Variants in ATRN observed in about 807,000 individuals in gnomAD.
ATRN encodes attractin, also known as attractin-2.
Under a neutral mutation model 178.7 loss-of-function variants are expected in ATRN, and 54 were observed. That is an observed-to-expected ratio of 0.30 (90% CI 0.24 to 0.38). The LOEUF (loss-of-function observed/expected upper bound fraction) is 0.38. Ranked by LOEUF, ATRN falls within the 10% of genes least tolerant of loss-of-function variation. The pLI is 1.00. For missense variants in ATRN, 1,443 were observed against 1,815.1 expected, an observed-to-expected ratio of 0.79 and a Z score of 3.73; for synonymous variants, 636 against 663.0, an observed-to-expected ratio of 0.96 and a Z score of 0.63.
At chr20:3,619,532 A>C (rs2086880406) in intron 24 of ATRN, among the ~76,000 whole-genome samples, 1 of 152,230 alleles carries the variant, frequency 6.6e-6, no homozygotes. Context: ...TCATCCATTT[A>C]TTCAAGTTTT....
chr20:3,524,594 C>T (rs996307904), intron 1 of ATRN, among the ~76,000 whole-genome samples: 1 of 152,186 alleles, frequency 6.6e-6, no homozygotes, highest in African/African-American at 2.4e-5. Context: ...CTCTCCACCC[C>T]CAAGCAACAG....
intron 25 of ATRN, chr20:3,629,140 A>G (rs891769257): frequency 1.0e-6 from 1 of 984,228 alleles, no homozygotes; most frequent in Non-Finnish European, 1.2e-6. Flanking sequence ...TCCACTCCCC[A>G]CCCCACCAAC....
At position 3,578,623 on chromosome 20, in the gene ATRN, T is replaced by C. The variant is rs1174655229; in HGVS notation, c.2395T>C (p.Cys799Arg). Reference protein sequence around the residue: ...GIGWHLVGNSCLKITTAKENY... With the variant: ...GIGWHLVGNSRLKITTAKENY... The stretch of plus-strand genomic sequence containing the variant: ...TGGCTGGCATTTGGTTGGAAACTCA[T>C]GTTTGAAAATTACTACTGCCAAGGA... Residue 799 changes from cysteine (C) to arginine (R), a missense_variant, in exon 15 of 29, where the codon TGT (cysteine) becomes CGT (arginine). Cys to Arg is a radical substitution (Grantham distance 180). Transcript: ENST00000262919. 6.2e-7 allele frequency: 1 copy of C among 1,612,562 alleles called. No individual in the cohort carries two copies. The highest frequency in any genetic ancestry group is 2.2e-5 in the East Asian group (1 of 44,886).
chr20:3,572,634 G>C (rs2086141786), intron 11 of ATRN, 97 bp from the exon 12 acceptor site: 1 of 1,066,672 alleles, frequency 9.4e-7, no homozygotes, highest in Non-Finnish European at 1.3e-6. Flanking sequence ...CTGGGCAACA[G>C]AGTAAGACCC....
chr20:3,561,980 C>T (rs1050804485), intron 8 of ATRN, among the ~76,000 whole-genome samples: 1 of 152,158 alleles, frequency 6.6e-6, no homozygotes, highest in Non-Finnish European at 1.5e-5. Context: ...CCCACCTTAG[C>T]CTCCCAAAGT....
chr20:3,639,324 G>T (rs235552), intron 27 of ATRN, among the ~76,000 whole-genome samples: 1 of 151,958 alleles, frequency 6.6e-6, no homozygotes, highest in Non-Finnish European at 1.5e-5. Flanking sequence ...GCATGATCTC[G>T]GCTCACTGCA....
At chr20:3,600,018 T>C (rs1223685444) in intron 22 of ATRN, among the ~76,000 whole-genome samples, 1 of 152,222 alleles carries the variant, frequency 6.6e-6, no homozygotes, top group Non-Finnish European at 1.5e-5. Context: ...TCTCAAGATC[T>C]TTTAAAAATG....
At chr20:3,504,094 G>A (rs897970766) in intron 1 of ATRN, among the ~76,000 whole-genome samples, 1 of 152,118 alleles carries the variant, frequency 6.6e-6, no homozygotes, top group African/African-American at 2.4e-5. Context: ...TAGATTTTCT[G>A]TATGAAAACA....
Position 3,540,343 on chromosome 20 carries a change from C to T in ATRN, c.608+8C>T, listed in dbSNP as rs747124303. The T allele has an allele frequency of 2.0e-6, 3 of 1,519,008 alleles. No individual in the cohort carries two copies. Among genetic ancestry groups the T allele is most frequent in the South Asian group, 2.4e-5 (2 of 84,862 alleles). 94.1% of individuals were successfully genotyped at this position (1,519,008 alleles called of 1,614,324 possible). On this transcript the variant is annotated splice_region_variant and intron_variant, in intron 3 of 28. Transcript: ENST00000262919. ...GCTAGTTGCTGCATTTAGGTAAGCT[C>T]AGTCTTACAAGCCTTCTTTCATCGT...
rs75733380 is a variant in ATRN, at chr20:3,632,270, G to T, written c.3864-2041G>T. ...CTAGACTGCTGGTCTCCCTGATAAT[G>T]CCATTGCACCTCTAATGGTTTTCTC... On this transcript the variant is annotated intron_variant, in intron 25 of 28. Coordinates refer to ENST00000262919, the MANE Select transcript of ATRN (RefSeq NM_139321.3). The surrounding 1 kb of genome is among the most constrained non-coding windows in gnomAD (Gnocchi z 4.2). Among the ~76,000 whole-genome samples, 364 of 152,228 alleles carry T rather than the reference G, an allele frequency of 2.4e-3. 8 individuals carry two copies. The East Asian group carries it at 0.035, about 15-fold the overall frequency.
chr20:3,532,191 C>T (rs1330450608), intron 1 of ATRN, among the ~76,000 whole-genome samples: 1 of 152,150 alleles, frequency 6.6e-6, no homozygotes, highest in African/African-American at 2.4e-5. Context: ...ATTTGCAAAC[C>T]TAAGTGTTCA....
At chr20:3,477,158 C>T in intron 1 of ATRN, among the ~76,000 whole-genome samples, 1 of 108,910 alleles carries the variant, frequency 9.2e-6, no homozygotes. Context: ...CTGCTTTCCC[C>T]AGTGCAATGT....
intron 28 of ATRN, among the ~76,000 whole-genome samples, chr20:3,646,480 C>A (rs2087108463): frequency 6.6e-6 from 1 of 152,072 alleles, no homozygotes; most frequent in Admixed American, 6.6e-5. Context: ...TAAGTATACC[C>A]TCAAAGAATA....
chr20:3,563,693 C>G (rs1313594444), intron 10 of ATRN, among the ~76,000 whole-genome samples: 2 of 152,120 alleles, frequency 1.3e-5, no homozygotes, highest in East Asian at 1.9e-4. Flanking sequence ...AATTGGTTCA[C>G]GTATTAGCTT....
chr20:3,632,884 G>A lies in ATRN; in HGVS notation c.3864-1427G>A, dbSNP rs1004550710. Among the ~76,000 whole-genome samples the A allele has an allele frequency of 6.6e-6, 1 of 152,230 alleles. No individual in the cohort carries two copies. Among genetic ancestry groups the A allele is most frequent in the Non-Finnish European group, 1.5e-5 (1 of 68,034 alleles). The stretch of plus-strand genomic sequence containing the variant: ...AATGTAGGCCAGTCACGTGAGGCCT[G>A]TAATCTTTGCCAAGGCAGGCAGATC... On this transcript the variant is annotated intron_variant, in intron 25 of 28. Coordinates refer to ENST00000262919, the MANE Select transcript of ATRN (RefSeq NM_139321.3). The surrounding 1 kb of genome is among the most constrained non-coding windows in gnomAD (Gnocchi z 4.2).
intron 2 of ATRN, among the ~76,000 whole-genome samples, chr20:3,538,029 C>T (rs539964417): frequency 7.2e-4 from 108 of 149,922 alleles, no homozygotes; most frequent in Middle Eastern, 6.9e-3. Context: ...CATATGTATA[C>T]ATGTGCCATG....
chr20:3,576,695 G>A (rs62206468), intron 13 of ATRN, among the ~76,000 whole-genome samples, 164 bp from the exon 14 acceptor site: 2,303 of 142,368 alleles, frequency 0.016, 36 homozygotes, highest in African/African-American at 0.04. Flanking sequence ...CTGTCTGTCT[G>A]TCTATCTATC....
chr20:3,524,823 AT>A (rs2085342702), intron 1 of ATRN, among the ~76,000 whole-genome samples: 2 of 152,228 alleles, frequency 1.3e-5, no homozygotes, highest in Admixed American at 6.5e-5. Context: ...AAATAACGAA[AT>A]TAAGGCAGAA....
intron 25 of ATRN, among the ~76,000 whole-genome samples, chr20:3,625,135 C>T (rs898856282): frequency 3.3e-5 from 5 of 152,146 alleles, no homozygotes; most frequent in African/African-American, 4.8e-5. Flanking sequence ...GCCTGCCTTG[C>T]GCCTTCCCCA....
Sources: allele counts gnomAD v4.1 joint callset (sites outside exome capture counted in the v4.1 genomes callset), GRCh38; gene constraint gnomAD v4.1.1; non-coding constraint Gnocchi (gnomAD v3.1); transcripts MANE v1.5; gene names NCBI Gene and HGNC (gene_info 2026-07-23, HGNC 2026-07-21).